STAU1: variants seen among roughly 807,000 people sequenced by gnomAD.
STAU1 encodes the protein double-stranded RNA-binding protein Staufen homolog 1.
In STAU1, 13 loss-of-function variants were observed where a neutral mutation model predicts 62.9. The observed-to-expected ratio is 0.21, with a 90% CI of 0.13 to 0.33. The LOEUF is 0.33. Among genes scored for constraint, STAU1 ranks in the 10% least tolerant of loss-of-function variants. The probability of loss-of-function intolerance (pLI) is 1.00; values close to 1 mark genes in which losing one functional copy is unlikely to be tolerated. For missense variants in STAU1, 571 were observed against 712.1 expected (o/e 0.80, Z 2.25); for synonymous variants, 269 against 265.1 (o/e 1.01, Z -0.14).
intron 3 of STAU1, among the ~76,000 whole-genome samples, chr20:49,158,253 G>T (rs2093395137): frequency 6.6e-6 from 1 of 152,112 alleles, no homozygotes; most frequent in South Asian, 2.1e-4. Flanking sequence ...TGGCACTCCA[G>T]CCTGGGTGAT....
At chr20:49,145,796 G>A (rs1173824188) in intron 5 of STAU1, among the ~76,000 whole-genome samples, 2 of 151,960 alleles carry the variant, frequency 1.3e-5, no homozygotes, top group African/African-American at 4.8e-5. Context: ...TAATCAAGAG[G>A]CAAAAGGATC....
intron 5 of STAU1, among the ~76,000 whole-genome samples, chr20:49,144,653 G>C (rs980350061): frequency 6.6e-6 from 1 of 151,984 alleles, no homozygotes; most frequent in African/African-American, 2.4e-5. Flanking sequence ...TTCTCACCTG[G>C]GTTCAATGAA....
At chr20:49,204,491 C>T in the STAU1 span, among the ~76,000 whole-genome samples, 9 of 149,226 alleles carry the variant, frequency 6.0e-5, no homozygotes, top group Admixed American at 3.4e-4. Flanking sequence ...TACCCAGGCT[C>T]GTTCTGAGGA....
At chr20:49,182,379 G>C (rs963577053) in intron 1 of STAU1, among the ~76,000 whole-genome samples, 1 of 152,208 alleles carries the variant, frequency 6.6e-6, no homozygotes, top group African/African-American at 2.4e-5. Flanking sequence ...AGAGCATTAA[G>C]CTGTCAACAA....
chr20:49,154,103 T>C (rs2093316156), intron 3 of STAU1, 32 bp from the exon 4 acceptor site: 2 of 1,581,792 alleles, frequency 1.3e-6, no homozygotes, highest in Admixed American at 2.0e-5. Flanking sequence ...GAACTGTTTT[T>C]TTCTGGTATG....
At chr20:49,118,192 C>A in intron 10 of STAU1, 96 bp from the exon 11 acceptor site, 1 of 1,386,948 alleles carries the variant, frequency 7.2e-7, no homozygotes, top group Non-Finnish European at 1.0e-6. Flanking sequence ...CCCCTTGGCA[C>A]GCATGGCAGC....
At chr20:49,126,978 G>C (rs1181407932) in intron 6 of STAU1, among the ~76,000 whole-genome samples, 1 of 152,136 alleles carries the variant, frequency 6.6e-6, no homozygotes, top group East Asian at 1.9e-4. Context: ...CTTTATAACA[G>C]GAGAAAGCCT....
At chr20:49,158,827 C>T (rs887360003) in intron 3 of STAU1, 42 of 718,220 alleles carry the variant, frequency 5.8e-5, no homozygotes, top group Non-Finnish European at 7.8e-5. Flanking sequence ...AAGCCGGGCG[C>T]GGTGGCTCAT....
At chr20:49,173,407 C>CG (rs2093622170) in intron 2 of STAU1, among the ~76,000 whole-genome samples, 1 of 152,110 alleles carries the variant, frequency 6.6e-6, no homozygotes, top group Non-Finnish European at 1.5e-5. Context: ...GCCAACATGG[C>CG]GCCATTGCAC....
chr20:49,123,550 T>A (rs1842647817), intron 7 of STAU1, among the ~76,000 whole-genome samples: 1 of 152,188 alleles, frequency 6.6e-6, no homozygotes, highest in South Asian at 2.1e-4. Flanking sequence ...TAAAACACTA[T>A]TCCTACAACT....
the STAU1 span, among the ~76,000 whole-genome samples, chr20:49,205,143 A>G: frequency 1.3e-5 from 2 of 152,152 alleles, no homozygotes; most frequent in Non-Finnish European, 2.9e-5. Context: ...CCCAATGGGA[A>G]AAGCAAATCC....
chr20:49,197,464 C>T, the STAU1 span, among the ~76,000 whole-genome samples: 10 of 150,046 alleles, frequency 6.7e-5, no homozygotes, highest in Non-Finnish European at 1.0e-4. Context: ...TGCAGTGGCG[C>T]GATCTCAGCT....
rs1047572254 is a variant in STAU1 at position 49,115,987 on chromosome 20, C to T, written c.1633-120G>A. ...AGCAAACAGGTGGCAACTTCTTCAA[C>T]TCTGGTACTACTAAATAAAACTTTG... On this transcript the variant is annotated intron_variant, in intron 12 of 13. Coordinates refer to ENST00000371856, the MANE Select transcript of STAU1 (RefSeq NM_017453.4). 143 of 706,310 alleles carry T rather than the reference C, an allele frequency of 2.0e-4. 1 individual carries two copies. The highest frequency in any genetic ancestry group is 8.1e-4 in the Middle Eastern group (3 of 3,706). 43.8% of individuals were successfully genotyped at this position (706,310 alleles called of 1,614,324 possible). A position where few individuals can be genotyped will look rare whatever the true frequency, so the allele number is the denominator to read the frequency against.
chr20:49,163,203 A>G (rs6019664), intron 3 of STAU1, among the ~76,000 whole-genome samples: 15,151 of 152,022 alleles, frequency 0.1, 1,020 homozygotes, highest in African/African-American at 0.2. Flanking sequence ...AAAAAAAAAA[A>G]AATTGACACT....
intron 1 of STAU1, among the ~76,000 whole-genome samples, chr20:49,177,612 G>A (rs1458497284): frequency 3.3e-5 from 5 of 151,898 alleles, no homozygotes; most frequent in African/African-American, 9.7e-5. Context: ...TCAGGAGGCG[G>A]AGCTTGCAGT....
At chr20:49,128,156 A>C (rs1018223237) in intron 6 of STAU1, among the ~76,000 whole-genome samples, 1 of 149,052 alleles carries the variant, frequency 6.7e-6, no homozygotes, top group Non-Finnish European at 1.5e-5. Flanking sequence ...TCTCAGAGGA[A>C]AAAAAAAAAA....
At position 49,117,365 on chromosome 20, in the gene STAU1, C is replaced by T. The variant is rs2092353319; in HGVS notation, c.1510-117G>A. 2 of 1,320,830 alleles carry T rather than the reference C, an allele frequency of 1.5e-6. No homozygotes were observed. The highest frequency in any genetic ancestry group is 2.5e-4 in the Middle Eastern group (1 of 4,004). The allele number at this position is 1,320,830 out of a possible 1,614,324, so 81.8% of individuals were successfully genotyped here. On this transcript the variant is annotated intron_variant, in intron 11 of 13. Transcript: ENST00000371856. The surrounding 1 kb of genome is among the most constrained non-coding windows in gnomAD (Gnocchi z 4.6). ...CCAGCTCTTTTTTCCAACTCAGCCC[C>T]ACTGTGGCCATACTAACACCTGCCC...
chr20:49,195,431 G>C, the STAU1 span, among the ~76,000 whole-genome samples: 1 of 150,356 alleles, frequency 6.7e-6, no homozygotes, highest in Non-Finnish European at 1.5e-5. Flanking sequence ...CCAGCTACTC[G>C]GGAGGCTGAG....
At chr20:49,152,141 A>G (rs2093262923) in intron 4 of STAU1, among the ~76,000 whole-genome samples, 1 of 152,196 alleles carries the variant, frequency 6.6e-6, no homozygotes, top group Non-Finnish European at 1.5e-5. Flanking sequence ...TTTAATGCAC[A>G]AGTCTTTCAA....
Sources: allele counts gnomAD v4.1 joint callset (sites outside exome capture counted in the v4.1 genomes callset), GRCh38; gene constraint gnomAD v4.1.1; non-coding constraint Gnocchi (gnomAD v3.1); transcripts MANE v1.5; gene names NCBI Gene and HGNC (gene_info 2026-07-23, HGNC 2026-07-21).